ZNF625: variants seen among roughly 807,000 people sequenced by gnomAD.
ZNF625 encodes the protein zinc finger protein 625.
A neutral mutation model predicts 11.1 loss-of-function variants in ZNF625; 8 were observed. That is an observed-to-expected ratio of 0.72 (90% CI 0.42 to 1.30). The LOEUF is 1.30. Among genes scored for constraint, ZNF625 ranks in the 50% most tolerant of loss-of-function variants. The pLI is 0.01. For missense variants in ZNF625, 349 were observed against 447.6 expected (o/e 0.78, Z 1.99); for synonymous variants, 145 against 153.4 (o/e 0.95, Z 0.41).
chr19:12,151,861 A>T (rs1241077765), intron 1 of ZNF625, among the ~76,000 whole-genome samples: 1 of 152,126 alleles, frequency 6.6e-6, no homozygotes, highest in African/African-American at 2.4e-5. Context: ...AAAAGCTTAA[A>T]TTTTAATGTA....
At chr19:12,150,263 G>A (rs1976936516) in intron 1 of ZNF625, among the ~76,000 whole-genome samples, 1 of 152,154 alleles carries the variant, frequency 6.6e-6, no homozygotes, top group South Asian at 2.1e-4. Context: ...TGTGGGAAGG[G>A]AATCAGAAAT....
intron 1 of ZNF625, among the ~76,000 whole-genome samples, chr19:12,152,253 T>TAC (rs150706762): frequency 1.3e-5 from 2 of 152,098 alleles, no homozygotes; most frequent in East Asian, 1.9e-4. Flanking sequence ...TGTATATATA[T>TAC]ACACACACAC....
At chr19:12,156,532 G>T in intron 1 of ZNF625, 24 bp downstream of exon 1, 1 of 1,426,776 alleles carries the variant, frequency 7.0e-7, no homozygotes. Context: ...CCCCGTCTCG[G>T]GACCCCCGGC....
chr19:12,145,732 A>G lies in ZNF625; in HGVS notation c.684T>C (p.Phe228=), dbSNP rs1360356680. 6.2e-7 allele frequency: 1 copy of G among 1,614,076 alleles called. No individual in the cohort carries two copies. The highest frequency in any genetic ancestry group is 1.1e-5 in the South Asian group (1 of 91,070). The change falls in exon 4 of 4, where the codon TTT becomes TTC. Residue 228 remains phenylalanine (F), a synonymous_variant. Coordinates refer to ENST00000439556, the MANE Select transcript of ZNF625 (RefSeq NM_145233.4). ...GTATTCGAAGGCTACCAGAATGACT[A>G]AAGGCTTTACCACACTGTTTACATT... is the stretch of plus-strand genomic sequence containing the variant. ...PYECKQCGKA[F]SHSGSLRIHE...
At chr19:12,148,443 G>C (rs540245974) in intron 1 of ZNF625, among the ~76,000 whole-genome samples, 7 of 152,076 alleles carry the variant, frequency 4.6e-5, no homozygotes, top group Non-Finnish European at 1.0e-4. Flanking sequence ...AAAACTCCAG[G>C]GTGTCCAGTC....
intron 1 of ZNF625, among the ~76,000 whole-genome samples, chr19:12,151,695 T>C (rs1212828123): frequency 1.3e-5 from 2 of 151,826 alleles, no homozygotes; most frequent in East Asian, 3.9e-4. Flanking sequence ...TTTTATTTTT[T>C]GTAGAGACAT....
At chr19:12,152,244 G>GTA (rs1302771787) in intron 1 of ZNF625, among the ~76,000 whole-genome samples, 4 of 151,484 alleles carry the variant, frequency 2.6e-5, no homozygotes, top group African/African-American at 4.9e-5. Flanking sequence ...ATGTATATGT[G>GTA]TATATATATA....
chr19:12,148,068 C>G (rs1976902270), intron 1 of ZNF625, among the ~76,000 whole-genome samples: 2 of 152,152 alleles, frequency 1.3e-5, no homozygotes, highest in South Asian at 4.1e-4. Context: ...CAACCTCCGC[C>G]TCCCAGGTTC....
chr19:12,145,049 A>G lies in ZNF625; in HGVS notation c.*248T>C. Reference sequence around the variant, plus strand: ...TTTTTTTTATGACAGAACTGTCTTAAGGTCTTACTGGAGGTGTGTCTCTCT... The same window carrying G: ...TTTTTTTTATGACAGAACTGTCTTAGGGTCTTACTGGAGGTGTGTCTCTCT... On this transcript the variant is annotated 3_prime_UTR_variant, in exon 4 of 4. Transcript: ENST00000439556. The G allele has an allele frequency of 2.1e-6, 1 of 485,304 alleles. No homozygotes were observed. Among genetic ancestry groups the G allele is most frequent in the Non-Finnish European group, 3.6e-6 (1 of 274,436 alleles). 30.1% of individuals were successfully genotyped at this position (485,304 alleles called of 1,614,324 possible).
chr19:12,146,489 G>A (rs768552499), intron 3 of ZNF625, among the ~76,000 whole-genome samples: 6 of 152,004 alleles, frequency 3.9e-5, no homozygotes, highest in African/African-American at 9.7e-5. Context: ...GCTGGAGTGC[G>A]GTGGTGAGAT....
At position 12,145,132 on chromosome 19, in the gene ZNF625, C is replaced by T; in HGVS notation, c.*165G>A. On this transcript the variant is annotated 3_prime_UTR_variant, in exon 4 of 4. Transcript: ENST00000439556. ...TCTGAGTGAGGCCCCAGCTAAACTA[C>T]TCCCAAAAATTTTTGCTCCTGGGCT... The T allele has an allele frequency of 2.6e-6, 2 of 760,196 alleles. No individual in the cohort carries two copies. Among genetic ancestry groups the T allele is most frequent in the Non-Finnish European group, 4.3e-6 (2 of 460,546 alleles). 47.1% of individuals were successfully genotyped at this position (760,196 alleles called of 1,614,324 possible). A position where few individuals can be genotyped will look rare whatever the true frequency, so the allele number is the denominator to read the frequency against.
At chr19:12,150,125 G>A (rs1481720283) in intron 1 of ZNF625, among the ~76,000 whole-genome samples, 4 of 152,166 alleles carry the variant, frequency 2.6e-5, no homozygotes, top group Non-Finnish European at 4.4e-5. Flanking sequence ...AAATAGAAAA[G>A]TTTCCAATGC....
chr19:12,153,096 GTAA>G (rs1976978125), intron 1 of ZNF625, among the ~76,000 whole-genome samples: 1 of 152,058 alleles, frequency 6.6e-6, no homozygotes, highest in Non-Finnish European at 1.5e-5. Flanking sequence ...GCTCACGCCT[GTAA>G]TCCTAGCACT....
Position 12,145,197 on chromosome 19 carries a change from T to A in ZNF625, c.*100A>T. On this transcript the variant is annotated 3_prime_UTR_variant, in exon 4 of 4. Transcript: ENST00000439556. ...CTGAATGCTGTCAAATGACAGTGAC[T>A]GCAGAAGCTTCAGAATAATTTTGCG... is the stretch of plus-strand genomic sequence containing the variant. 1 of 1,349,314 alleles carries A rather than the reference T, an allele frequency of 7.4e-7. No individual in the cohort carries two copies. The highest frequency in any genetic ancestry group is 2.3e-5 in the East Asian group (1 of 43,286). The allele number at this position is 1,349,314 out of a possible 1,614,324, so 83.6% of individuals were successfully genotyped here.
intron 1 of ZNF625, among the ~76,000 whole-genome samples, chr19:12,153,805 C>CTTTTTTTTTTTT (rs912782968): frequency 8.8e-6 from 1 of 113,606 alleles, no homozygotes; most frequent in African/African-American, 3.8e-5. Flanking sequence ...TTTTATATTT[C>CTTTTTTTTTTTT]TTTTTTTTTT....
At chr19:12,151,189 T>G (rs976206069) in intron 1 of ZNF625, among the ~76,000 whole-genome samples, 2 of 151,828 alleles carry the variant, frequency 1.3e-5, no homozygotes, top group Non-Finnish European at 2.9e-5. Context: ...TAAGATCAGC[T>G]ATACTCTTGT....
chr19:12,156,509 C>T (rs768772145), intron 1 of ZNF625, 47 bp downstream of exon 1: 1 of 1,407,078 alleles, frequency 7.1e-7, no homozygotes, highest in Non-Finnish European at 9.3e-7. Context: ...GAGCCGGTTC[C>T]TCCCGGCCCC....
Position 12,145,859 on chromosome 19 carries a change from C to T in ZNF625, c.557G>A (p.Ser186Asn). 1 of 1,614,238 alleles carries T rather than the reference C, an allele frequency of 6.2e-7. No individual in the cohort carries two copies. Among genetic ancestry groups the T allele is most frequent in the Non-Finnish European group, 8.5e-7 (1 of 1,180,052 alleles). Residue 186 changes from serine (S) to asparagine (N), a missense_variant, in exon 4 of 4, where the codon AGT becomes AAT. Coordinates refer to ENST00000439556, the MANE Select transcript of ZNF625 (RefSeq NM_145233.4). ...GTTACATTTGTAGGGTCCATCTCCA[C>T]TGTGCATTATCCTGTGTCTTCGAAT... The part of the protein sequence containing the change: ...SSIRRHRIMH[S>N]GDGPYKCNFC...
rs1375758297 is a variant in ZNF625, at chr19:12,145,961, G to C, written c.455C>G (p.Thr152Arg). 6.2e-7 allele frequency: 1 copy of C among 1,614,180 alleles called. No individual in the cohort carries two copies. Among genetic ancestry groups the C allele is most frequent in the Non-Finnish European group, 8.5e-7 (1 of 1,180,050 alleles). The change falls in exon 4 of 4, where the codon ACA (threonine) becomes AGA (arginine). Residue 152 changes from threonine to arginine, a missense_variant. Physicochemically the swap from Thr to Arg is moderately conservative, Grantham distance 71. Transcript: ENST00000439556. ...KAFSDLPYFR[T>R]HEWAHTGGKP... Reference sequence around the variant, plus strand: ...CCCCCCAGTGTGAGCCCATTCATGTGTTCGAAAGTAGGGGAGATCACTGAA... The same window carrying C: ...CCCCCCAGTGTGAGCCCATTCATGTCTTCGAAAGTAGGGGAGATCACTGAA...
Sources: allele counts gnomAD v4.1 joint callset (sites outside exome capture counted in the v4.1 genomes callset), GRCh38; gene constraint gnomAD v4.1.1; transcripts MANE v1.5; gene names NCBI Gene and HGNC (gene_info 2026-07-23, HGNC 2026-07-21).